Variants in OTUD7A observed in about 807,000 individuals in gnomAD.
The protein encoded by OTUD7A is OTU deubiquitinase 7A.
OTUD7A carries 12 observed loss-of-function variants against 65.7 expected under a neutral mutation model. The observed-to-expected ratio is 0.18, with a 90% CI of 0.12 to 0.30. The LOEUF is 0.30. Ranked by LOEUF, OTUD7A falls within the 10% of genes least tolerant of loss-of-function variation. The probability of loss-of-function intolerance (pLI) is 1.00; values close to 1 mark genes in which losing one functional copy is unlikely to be tolerated. For synonymous variants in OTUD7A, 641 were observed against 586.3 expected, an observed-to-expected ratio of 1.09 and a Z score of -1.35; for missense variants, 1,148 against 1,304.8, an observed-to-expected ratio of 0.88 and a Z score of 1.85.
At chr15:31,680,894 T>C (rs895090633) in intron 1 of OTUD7A, among the ~76,000 whole-genome samples, 1 of 151,174 alleles carries the variant, frequency 6.6e-6, no homozygotes, top group Non-Finnish European at 1.5e-5. Context: ...TCTTCAAGTG[T>C]GGTCTTTAGG....
chr15:31,794,356 G>T (rs1374297111), intron 1 of OTUD7A, among the ~76,000 whole-genome samples: 4 of 152,282 alleles, frequency 2.6e-5, no homozygotes, highest in Admixed American at 6.5e-5. Context: ...TCTTTACATT[G>T]ATGGTTATTT....
intron 3 of OTUD7A, among the ~76,000 whole-genome samples, chr15:31,601,249 TAACA>T (rs1172950467): frequency 3.3e-5 from 5 of 152,120 alleles, no homozygotes; most frequent in African/African-American, 1.2e-4. Context: ...ATGGAAATCA[TAACA>T]AACAGTCTCT....
rs2041182277 is a variant in OTUD7A, at chr15:31,483,873, C to T, written c.2223G>A (p.Ala741=). The T allele has an allele frequency of 5.1e-6, 5 of 989,256 alleles. No individual in the cohort carries two copies. The highest frequency in any genetic ancestry group is 4.8e-6 in the Non-Finnish European group (4 of 834,284). The allele number at this position is 989,256 out of a possible 1,614,324, so 61.3% of individuals were successfully genotyped here. A position where few individuals can be genotyped will look rare whatever the true frequency, so the allele number is the denominator to read the frequency against. The change falls in exon 13 of 13, where the codon GCG becomes GCA. Residue 741 remains alanine (A), a synonymous_variant. Transcript: ENST00000307050. The part of the protein sequence containing the change: ...RPSPGPAAGR[A]ARAAAGGTAS... ...CCGTGCCGCCCGCCGCCGCCCGCGC[C>T]GCACGCCCTGCCGCGGGCCCGGGGC...
chr15:31,689,735 C>T (rs1411293262), intron 1 of OTUD7A, among the ~76,000 whole-genome samples: 1 of 152,136 alleles, frequency 6.6e-6, no homozygotes, highest in East Asian at 1.9e-4. Context: ...AGATGAGGAT[C>T]AATGGGAAAA....
chr15:31,605,489 C>T (rs1890213786), intron 3 of OTUD7A, among the ~76,000 whole-genome samples: 1 of 152,136 alleles, frequency 6.6e-6, no homozygotes, highest in East Asian at 1.9e-4. Flanking sequence ...TCCTTGGTGG[C>T]CTCTGGGCCT....
At position 31,784,350 on chromosome 15, in the gene OTUD7A, C is replaced by T. The variant is rs561248745; in HGVS notation, c.-100+86157G>A. On this transcript the variant is annotated intron_variant, in intron 1 of 12. Coordinates refer to ENST00000307050, the MANE Select transcript of OTUD7A (RefSeq NM_001382637.1). Reference sequence around the variant, plus strand: ...GTTAGACTTGCTTCTCACACTACAACTAAAACAACACACCCCAATACATGG... The same window carrying T: ...GTTAGACTTGCTTCTCACACTACAATTAAAACAACACACCCCAATACATGG... Among the ~76,000 whole-genome samples the T allele has an allele frequency of 3.3e-5, 5 of 152,272 alleles. No homozygotes were observed. The South Asian group carries it at 1.0e-3, about 32-fold the overall frequency.
intron 1 of OTUD7A, among the ~76,000 whole-genome samples, chr15:31,789,807 G>A (rs1472925414): frequency 6.6e-6 from 1 of 150,530 alleles, no homozygotes; most frequent in African/African-American, 2.5e-5. Flanking sequence ...CCAGGTTCAA[G>A]CGATTCTCCT....
intron 1 of OTUD7A, among the ~76,000 whole-genome samples, chr15:31,779,820 C>T (rs1192518568): frequency 6.6e-6 from 1 of 152,056 alleles, no homozygotes; most frequent in African/African-American, 2.4e-5. Context: ...CAAGGAAGGC[C>T]TTGGTCCTCC....
intron 1 of OTUD7A, among the ~76,000 whole-genome samples, chr15:31,818,960 T>C (rs1896616067): frequency 6.6e-6 from 1 of 152,212 alleles, no homozygotes; most frequent in African/African-American, 2.4e-5. Flanking sequence ...AGGTCAGTCC[T>C]GTGGGACAGA....
intron 1 of OTUD7A, among the ~76,000 whole-genome samples, chr15:31,663,747 T>C (rs1484644215): frequency 6.6e-6 from 1 of 152,106 alleles, no homozygotes; most frequent in Non-Finnish European, 1.5e-5. Flanking sequence ...TCAGTGGCGA[T>C]TTTTGAGATT....
At chr15:31,547,636 CAT>C (rs1212335938) in intron 5 of OTUD7A, among the ~76,000 whole-genome samples, 5 of 152,122 alleles carry the variant, frequency 3.3e-5, no homozygotes, top group South Asian at 4.1e-4. Flanking sequence ...AGATTCATCA[CAT>C]GACTTGCTTC....
intron 1 of OTUD7A, among the ~76,000 whole-genome samples, chr15:31,754,029 T>G (rs774934351): frequency 6.6e-6 from 1 of 152,042 alleles, no homozygotes; most frequent in Non-Finnish European, 1.5e-5. Flanking sequence ...CAACATCTAC[T>G]ATTTTTTGAT....
intron 1 of OTUD7A, among the ~76,000 whole-genome samples, chr15:31,734,404 T>A (rs1894129159): frequency 2.0e-5 from 3 of 152,152 alleles, no homozygotes; most frequent in Non-Finnish European, 4.4e-5. Flanking sequence ...GAAAAAAGTA[T>A]CTTAAATTTC....
intron 1 of OTUD7A, among the ~76,000 whole-genome samples, chr15:31,732,369 A>G (rs1027213307): frequency 2.6e-5 from 4 of 152,198 alleles, no homozygotes; most frequent in African/African-American, 9.6e-5. Context: ...GATCTCCCCC[A>G]AGGGGAAGCT....
In OTUD7A at chr15:31,665,952, T is replaced by C. The variant is rs532768876; in HGVS notation, c.-99-8875A>G. Among the ~76,000 whole-genome samples the C allele has an allele frequency of 7.9e-5, 12 of 152,316 alleles. No homozygotes were observed. The South Asian group carries it at 1.2e-3, about 16-fold the overall frequency. ...TTCCAAATTCTGTTTGTGTGGTACATTGCGTTTATTGACTTGCGTATGTGA... is the reference window on the plus strand; with the variant it reads ...TTCCAAATTCTGTTTGTGTGGTACACTGCGTTTATTGACTTGCGTATGTGA... On this transcript the variant is annotated intron_variant, in intron 1 of 12. Coordinates refer to ENST00000307050, the MANE Select transcript of OTUD7A (RefSeq NM_001382637.1).
intron 3 of OTUD7A, among the ~76,000 whole-genome samples, chr15:31,580,841 G>C (rs1176174202): frequency 6.6e-6 from 1 of 152,074 alleles, no homozygotes; most frequent in Non-Finnish European, 1.5e-5. Context: ...ATTTGGGTGA[G>C]GACACAGCCA....
intron 8 of OTUD7A, among the ~76,000 whole-genome samples, chr15:31,511,904 C>T (rs188412353): frequency 7.2e-5 from 11 of 152,222 alleles, no homozygotes; most frequent in Admixed American, 3.9e-4. Flanking sequence ...CCCCCCCGCC[C>T]ATGGGGATTT....
intron 1 of OTUD7A, among the ~76,000 whole-genome samples, chr15:31,665,024 T>C (rs1458222343): frequency 2.0e-5 from 3 of 152,250 alleles, no homozygotes; most frequent in African/African-American, 7.2e-5. Flanking sequence ...TATGTGCCTA[T>C]TTTTATACCA....
chr15:31,517,655 C>T (rs1452606697), intron 8 of OTUD7A, among the ~76,000 whole-genome samples: 1 of 152,200 alleles, frequency 6.6e-6, no homozygotes, highest in African/African-American at 2.4e-5. Flanking sequence ...TCTGCTTCTC[C>T]AGTGGGTACT....
Sources: gnomAD v4.1 joint callset for allele counts (sites outside exome capture counted in the v4.1 genomes callset) on GRCh38, gnomAD v4.1.1 for gene constraint, MANE v1.5 for transcripts, NCBI Gene and HGNC (gene_info 2026-07-23, HGNC 2026-07-21) for gene names.